RNASE11: variants seen among roughly 807,000 people sequenced by gnomAD.
RNASE11 encodes the protein ribonuclease A family member 11 (inactive), also known as putative inactive ribonuclease 11.
For synonymous variants in RNASE11, 105 were observed against 86.1 expected (o/e 1.22, Z -1.21); for missense variants, 252 against 237.8 (o/e 1.06, Z -0.39).
chr14:20,583,859 T>G, exon 2 of RNASE11: 2 of 1,590,930 alleles, frequency 1.3e-6, no homozygotes, highest in Non-Finnish European at 1.7e-6. Context: ...ACCCTAGTCC[T>G]AAAGCTCTGT....
At chr14:20,589,751 G>A (rs909689318), upstream of RNASE11, among the ~76,000 whole-genome samples, 1 of 152,078 alleles carries the variant, frequency 6.6e-6, no homozygotes, top group East Asian at 2.0e-4. Context: ...GCCGGGCGCG[G>A]TGGCACATGC....
chr14:20,589,872 A>G (rs1241377137), upstream of RNASE11, among the ~76,000 whole-genome samples: 1 of 152,122 alleles, frequency 6.6e-6, no homozygotes, highest in Non-Finnish European at 1.5e-5. Flanking sequence ...GGATAACAAG[A>G]GCAAAACTCC....
rs753092645 is a variant in RNASE11, at chr14:20,584,075, C to G, written c.400G>C (p.Ala134Pro). ...TTCTGTACAAACTTGCAGCTGGGGG[C>G]CCTGTGGACCCTGCGCATCACTTCT... Residue 134 changes from alanine (A) to proline (P), a missense_variant, in exon 2 of 2, where the codon GCC becomes CCC. Physicochemically the swap from Ala to Pro is conservative, Grantham distance 27. Coordinates refer to ENST00000553849, the Ensembl canonical transcript of RNASE11. 5.6e-6 allele frequency: 9 copies of G among 1,614,174 alleles called. No homozygotes were observed. In the South Asian group the frequency reaches 9.9e-5, roughly 18 times the overall value.
chr14:20,585,460 T>C (rs1451855628), intron 1 of RNASE11, among the ~76,000 whole-genome samples: 2 of 152,232 alleles, frequency 1.3e-5, no homozygotes, highest in African/African-American at 4.8e-5. Flanking sequence ...TCCTCGAGCC[T>C]GAAACACAGT....
upstream of RNASE11, among the ~76,000 whole-genome samples, chr14:20,589,951 TC>T (rs369886208): frequency 6.2e-4 from 94 of 152,312 alleles, no homozygotes; most frequent in African/African-American, 1.9e-3. Context: ...TTTTTGGTCT[TC>T]TGGTGCCCTC....
chr14:20,584,571 T>C (rs1884393743), intron 1 of RNASE11, 75 bp from the exon 3 acceptor site: 2 of 1,270,852 alleles, frequency 1.6e-6, no homozygotes, highest in African/African-American at 1.5e-5. Context: ...CTGACAGTTA[T>C]TCCTGGTAGG....
intron 1 of RNASE11, 69 bp downstream of exon 2, chr14:20,587,494 C>G: frequency 1.4e-6 from 1 of 738,406 alleles, no homozygotes; most frequent in Non-Finnish European, 1.7e-6. Flanking sequence ...GCATTTCATC[C>G]ACTTCAAAGT....
chr14:20,583,973 T>G, exon 2 of RNASE11: 3 of 1,614,200 alleles, frequency 1.9e-6, no homozygotes, highest in Middle Eastern at 1.6e-4. Flanking sequence ...TATTGGCACC[T>G]GGGGAATTGT....
At chr14:20,590,178 C>T (rs4981259), upstream of RNASE11, 771,504 of 1,515,806 alleles carry the variant, frequency 0.51, 200,067 homozygotes, top group Non-Finnish European at 0.53. Flanking sequence ...TCCCCTTCCG[C>T]TCAAGGCATT....
upstream of RNASE11, among the ~76,000 whole-genome samples, chr14:20,589,944 T>G (rs1884531404): frequency 2.0e-5 from 3 of 152,174 alleles, no homozygotes; most frequent in Admixed American, 1.3e-4. Context: ...TACTAGGTTT[T>G]TGGTCTTCTG....
chr14:20,586,748 A>T (rs1452503654), intron 1 of RNASE11, among the ~76,000 whole-genome samples: 3 of 152,218 alleles, frequency 2.0e-5, no homozygotes, highest in Non-Finnish European at 4.4e-5. Context: ...GATAAACAGG[A>T]AGAAGAGCAG....
intron 1 of RNASE11, among the ~76,000 whole-genome samples, chr14:20,585,441 G>A (rs1017653062): frequency 6.6e-6 from 1 of 151,882 alleles, no homozygotes; most frequent in Non-Finnish European, 1.5e-5. Context: ...CTCTTGTTAG[G>A]CTAAAAATTC....
At chr14:20,589,500 G>T (rs538645903), upstream of RNASE11, among the ~76,000 whole-genome samples, 1 of 151,886 alleles carries the variant, frequency 6.6e-6, no homozygotes, top group South Asian at 2.1e-4. Flanking sequence ...TGATCCACCC[G>T]CCTCGGCCTC....
upstream of RNASE11, chr14:20,590,190 C>A: frequency 6.5e-7 from 1 of 1,536,296 alleles, no homozygotes; most frequent in East Asian, 2.3e-5. Flanking sequence ...CAAGGCATTG[C>A]CCCATGTCCA....
upstream of RNASE11, among the ~76,000 whole-genome samples, chr14:20,589,685 G>A (rs1235288797): frequency 2.0e-5 from 3 of 152,108 alleles, no homozygotes; most frequent in African/African-American, 7.2e-5. Flanking sequence ...TCAGGAGTTT[G>A]AGACCAGCCT....
At chr14:20,588,340 C>A (rs544826884), upstream of RNASE11, 1 of 152,188 alleles carries the variant, frequency 6.6e-6, no homozygotes, top group Non-Finnish European at 1.5e-5. Context: ...ATGCCCATAG[C>A]TGAATGTGGG....
At chr14:20,584,876 A>G (rs1222181326) in intron 1 of RNASE11, among the ~76,000 whole-genome samples, 5 of 152,188 alleles carry the variant, frequency 3.3e-5, no homozygotes, top group Non-Finnish European at 7.3e-5. Context: ...CTCACTCAAC[A>G]CATTCCCTCA....
chr14:20,587,793 AAATCTGATC>A, upstream of RNASE11: 1 of 985,512 alleles, frequency 1.0e-6, no homozygotes, highest in Non-Finnish European at 1.2e-6. Context: ...GCCCCCTCCT[AAATCTGATC>A]AATCGCATGG....
At chr14:20,584,181 G>A in exon 2 of RNASE11, 1 of 1,614,188 alleles carries the variant, frequency 6.2e-7, no homozygotes, top group African/African-American at 1.3e-5. Flanking sequence ...TCATGTCATT[G>A]CAACACTCTT....
Sources: allele counts gnomAD v4.1 joint callset (sites outside exome capture counted in the v4.1 genomes callset), GRCh38; gene constraint gnomAD v4.1.1; transcripts MANE v1.5; gene names NCBI Gene and HGNC (gene_info 2026-07-23, HGNC 2026-07-21).